SMCHD1: variants seen among roughly 807,000 people sequenced by gnomAD.
SMCHD1 encodes the protein structural maintenance of chromosomes flexible hinge domain-containing protein 1.
Under a neutral mutation model 254.7 loss-of-function variants are expected in SMCHD1, and 78 were observed. The ratio of observed to expected loss-of-function variants is 0.31; its 90% CI spans 0.26 to 0.37. SMCHD1 has a LOEUF of 0.37. Ranked by LOEUF, SMCHD1 falls within the 10% of genes least tolerant of loss-of-function variation. The pLI is 1.00. For synonymous variants in SMCHD1, 766 were observed against 794.9 expected, an observed-to-expected ratio of 0.96 and a Z score of 0.61; for missense variants, 1,840 against 2,408.1, an observed-to-expected ratio of 0.76 and a Z score of 4.94.
chr18:2,762,125 T>C lies in SMCHD1; in HGVS notation c.4455T>C (p.Pro1485=). Residue 1485 remains proline (P), a synonymous_variant, in exon 36 of 48, where the codon CCT becomes CCC. Coordinates refer to ENST00000320876, the MANE Select transcript of SMCHD1 (RefSeq NM_015295.3). ...GTAAGGTTATAGTTGAAGTCCTGCC[T>C]AATCAACCTGTGAAGTTAGTACCTA... The part of the protein sequence containing the change: ...NSEQVIVEVL[P]NQPVKLVPKI... The C allele has an allele frequency of 6.2e-7, 1 of 1,613,578 alleles. No individual in the cohort carries two copies. Among genetic ancestry groups the C allele is most frequent in the Admixed American group, 1.7e-5 (1 of 60,008 alleles).
rs542248642 is a variant in SMCHD1 at position 2,695,725 on chromosome 18, A to ATTTTAAAAATGTATC, written c.1040+1037_1040+1051dup. Among the ~76,000 whole-genome samples, 1,323 of 152,298 alleles carry ATTTTAAAAATGTATC rather than the reference A, an allele frequency of 8.7e-3. 10 individuals are homozygous for ATTTTAAAAATGTATC. The highest frequency in any genetic ancestry group is 0.02 in the Middle Eastern group (6 of 294). On this transcript the variant is annotated intron_variant, in intron 8 of 47. Coordinates refer to ENST00000320876, the MANE Select transcript of SMCHD1 (RefSeq NM_015295.3). ...ATGGGTACATCTGCTCAAAATTCAT[A>ATTTTAAAAATGTATC]TTTTAAAAATGTATCTTTTTACATT...
intron 1 of SMCHD1, among the ~76,000 whole-genome samples, chr18:2,660,472 G>GTTTTTTT (rs547130890): frequency 1.6e-5 from 2 of 126,184 alleles, no homozygotes; most frequent in African/African-American, 6.3e-5. Context: ...AAAATCCATG[G>GTTTTTTT]TTTTTTTTTT....
At chr18:2,658,307 A>C (rs1284665552) in intron 1 of SMCHD1, among the ~76,000 whole-genome samples, 2 of 152,146 alleles carry the variant, frequency 1.3e-5, no homozygotes, top group East Asian at 3.8e-4. Context: ...TAGAGGAAGT[A>C]TTATTGGCCT....
At position 2,688,789 on chromosome 18, in the gene SMCHD1, G is replaced by C. The variant is rs775039882; in HGVS notation, c.873+42G>C. 5.1e-6 allele frequency: 6 copies of C among 1,165,852 alleles called. No homozygotes were observed. The African/African-American group carries it at 9.1e-5, about 18-fold the overall frequency. 72.2% of individuals were successfully genotyped at this position (1,165,852 alleles called of 1,614,324 possible). On this transcript the variant is annotated intron_variant, in intron 7 of 47. Transcript: ENST00000320876. ...CTCATAATTATAAATTTACTCCTTT[G>C]GATAGACGGTGGGACAGAACTTAAC...
chr18:2,711,216 C>T (rs1159740709), intron 17 of SMCHD1, among the ~76,000 whole-genome samples: 1 of 151,756 alleles, frequency 6.6e-6, no homozygotes, highest in Non-Finnish European at 1.5e-5. Context: ...AACGCGTAGC[C>T]TCACCTCCTT....
Position 2,705,809 on chromosome 18 carries a change from TA to T in SMCHD1, c.1956+4del. 1 of 1,523,410 alleles carries T rather than the reference TA, an allele frequency of 6.6e-7. No homozygotes were observed. Among genetic ancestry groups the T allele is most frequent in the South Asian group, 1.2e-5 (1 of 86,696 alleles). The allele number at this position is 1,523,410 out of a possible 1,614,324, so 94.4% of individuals were successfully genotyped here. A position where few individuals can be genotyped will look rare whatever the true frequency, so the allele number is the denominator to read the frequency against. On this transcript the variant is annotated splice_donor_region_variant and intron_variant, in intron 14 of 47. Coordinates refer to ENST00000320876, the MANE Select transcript of SMCHD1 (RefSeq NM_015295.3). ...GGAGGAGAGGTTCAAATTGCAATGG[TA>T]AGACAGCAAGTGATAAAACATACTG... is the stretch of plus-strand genomic sequence containing the variant.
intron 3 of SMCHD1, 179 bp from the exon 4 acceptor site, chr18:2,673,102 T>C: frequency 1.0e-6 from 1 of 985,448 alleles, no homozygotes; most frequent in Non-Finnish European, 1.2e-6. Flanking sequence ...GACTGCTTTT[T>C]TGATGCTGGT....
Position 2,718,086 on chromosome 18 carries a change from T to A in SMCHD1, c.2261-72T>A. ...ACAGCAAATAGGTATTTGGTGCCAA[T>A]GTGACATTGCGTATTTCATGTTTTA... On this transcript the variant is annotated intron_variant, in intron 17 of 47. Transcript: ENST00000320876. The surrounding 1 kb of genome is among the most constrained non-coding windows in gnomAD (Gnocchi z 4.6). The A allele has an allele frequency of 5.9e-6, 7 of 1,179,560 alleles. No homozygotes were observed. Among genetic ancestry groups the A allele is most frequent in the Non-Finnish European group, 7.3e-6 (6 of 823,268 alleles). 73.1% of individuals were successfully genotyped at this position (1,179,560 alleles called of 1,614,324 possible). A position where few individuals can be genotyped will look rare whatever the true frequency, so the allele number is the denominator to read the frequency against.
At chr18:2,799,745 C>T (rs1242478134) in intron 47 of SMCHD1, among the ~76,000 whole-genome samples, 1 of 152,046 alleles carries the variant, frequency 6.6e-6, no homozygotes, top group Admixed American at 6.6e-5. Flanking sequence ...GTTAATTTTT[C>T]TGGAGTTTTT....
Position 2,678,822 on chromosome 18 carries a change from GTTTTTTT to G in SMCHD1, c.638+4687_638+4693del, listed in dbSNP as rs572937755. ...GAATGTCTTAATCTTTCCGTTTTTT[GTTTTTTT>G]TTTTTTTTTGTTTGTTTGTTTTTTT... On this transcript the variant is annotated intron_variant, in intron 5 of 47. Transcript: ENST00000320876. Among the ~76,000 whole-genome samples, 33 of 144,718 alleles carry G rather than the reference GTTTTTTT, an allele frequency of 2.3e-4. No individual in the cohort carries two copies. The East Asian group carries it at 2.9e-3, about 13-fold the overall frequency. The allele number at this position is 144,718 out of a possible 152,430, so 94.9% of individuals were successfully genotyped here. A position where few individuals can be genotyped will look rare whatever the true frequency, so the allele number is the denominator to read the frequency against.
intron 34 of SMCHD1, among the ~76,000 whole-genome samples, chr18:2,757,001 GTTTTA>G (rs538411932): frequency 2.7e-4 from 41 of 151,980 alleles, no homozygotes; most frequent in African/African-American, 8.9e-4. Flanking sequence ...TATTTTATGT[GTTTTA>G]TTTAATTTCA....
intron 34 of SMCHD1, chr18:2,752,971 CA>C (rs2075603957): frequency 5.7e-6 from 1 of 175,728 alleles, no homozygotes; most frequent in African/African-American, 2.4e-5. Flanking sequence ...CCTTTATCAT[CA>C]ATAGGGTCAA....
At chr18:2,685,091 C>CTTCTTTTT (rs1218491094) in intron 5 of SMCHD1, among the ~76,000 whole-genome samples, 2 of 45,754 alleles carry the variant, frequency 4.4e-5, no homozygotes, top group Middle Eastern at 0.011. Context: ...TGTTCTGTCC[C>CTTCTTTTT]TTATTTTTTT....
At chr18:2,663,906 G>A (rs566428210) in intron 1 of SMCHD1, among the ~76,000 whole-genome samples, 6 of 152,080 alleles carry the variant, frequency 3.9e-5, no homozygotes, top group South Asian at 2.1e-4. Context: ...TAGTAGAGAC[G>A]GGGTTTCACC....
Position 2,674,028 on chromosome 18 carries a change from C to T in SMCHD1, c.521C>T (p.Thr174Ile). 6.3e-7 allele frequency: 1 copy of T among 1,585,384 alleles called. No individual in the cohort carries two copies. The part of the protein sequence containing the change: ...RIQIKLLFDE[T>I]QGKPAVAVID... Reference sequence around the variant, plus strand: ...TTTGTTTCATAGCTTTTTGATGAAACACAAGGAAAACCTGCTGTTGCAGTG... The same window carrying T: ...TTTGTTTCATAGCTTTTTGATGAAATACAAGGAAAACCTGCTGTTGCAGTG... The change falls in exon 5 of 48, where the codon ACA becomes ATA. Residue 174 changes from threonine to isoleucine, a missense_variant. Physicochemically the swap from Thr to Ile is moderately conservative, Grantham distance 89. Coordinates refer to ENST00000320876, the MANE Select transcript of SMCHD1 (RefSeq NM_015295.3).
chr18:2,697,898 A>C lies in SMCHD1; in HGVS notation c.1199A>C (p.Gln400Pro). 2 of 1,613,720 alleles carry C rather than the reference A, an allele frequency of 1.2e-6. No individual in the cohort carries two copies. The highest frequency in any genetic ancestry group is 1.7e-5 in the Admixed American group (1 of 60,024). The change falls in exon 10 of 48, where the codon CAG becomes CCG. Residue 400 changes from glutamine to proline, a missense_variant. Gln to Pro is a moderately conservative substitution (Grantham distance 76). Transcript: ENST00000320876. ...VNLREIQDDM[Q>P]TLYVNTAADS... ...CTAAGGGAAATACAAGACGACATGC[A>C]GACGTTGTATGTAAACACAGCAGCT... is the stretch of plus-strand genomic sequence containing the variant.
chr18:2,673,025 C>T, intron 3 of SMCHD1: 1 of 975,620 alleles, frequency 1.0e-6, no homozygotes, highest in Non-Finnish European at 1.2e-6. Context: ...AGATTATAAA[C>T]TCCTTGAAGC....
chr18:2,682,569 A>T (rs577495555), intron 5 of SMCHD1, among the ~76,000 whole-genome samples: 2 of 152,030 alleles, frequency 1.3e-5, no homozygotes, highest in African/African-American at 4.8e-5. Context: ...TGATACACCC[A>T]CCTCAGCCTC....
intron 17 of SMCHD1, among the ~76,000 whole-genome samples, chr18:2,708,697 C>A (rs2074578930): frequency 6.7e-6 from 1 of 149,878 alleles, no homozygotes; most frequent in Non-Finnish European, 1.5e-5. Flanking sequence ...CTCACTGCAA[C>A]CTCCGCTTCC....
Sources: allele counts gnomAD v4.1 joint callset (sites outside exome capture counted in the v4.1 genomes callset), GRCh38; gene constraint gnomAD v4.1.1; non-coding constraint Gnocchi (gnomAD v3.1); transcripts MANE v1.5; gene names NCBI Gene and HGNC (gene_info 2026-07-23, HGNC 2026-07-21).